The following IQGAP2 variants were observed in gnomAD, a reference collection of about 807,000 sequenced individuals.
IQGAP2 encodes the protein ras GTPase-activating-like protein IQGAP2.
IQGAP2 carries 173 observed loss-of-function variants against 201.3 expected under a neutral mutation model. The observed-to-expected ratio is 0.86, with a 90% CI of 0.76 to 0.98. IQGAP2 has a LOEUF of 0.98. IQGAP2 is among the 50% of genes least tolerant of loss of function. The pLI is 0.00. For synonymous variants in IQGAP2, 675 were observed against 673.9 expected (o/e 1.00, Z -0.03); for missense variants, 1,687 against 1,864.8 (o/e 0.90, Z 1.76).
chr5:76,469,034 A>G (rs1754961698), intron 2 of IQGAP2, among the ~76,000 whole-genome samples: 1 of 152,126 alleles, frequency 6.6e-6, no homozygotes, highest in South Asian at 2.1e-4. Flanking sequence ...TTTTCTGTAC[A>G]TTTTGGATGT....
chr5:76,505,700 T>C (rs769345682), intron 2 of IQGAP2, among the ~76,000 whole-genome samples: 4 of 152,300 alleles, frequency 2.6e-5, no homozygotes, highest in Non-Finnish European at 5.9e-5. Context: ...TGCAGGTGTA[T>C]TCCTGATCTC....
In IQGAP2 at chr5:76,589,703, T is replaced by A. The variant is rs754961957; in HGVS notation, c.615T>A (p.Asn205Lys). 6.2e-7 allele frequency: 1 copy of A among 1,605,486 alleles called. No individual in the cohort carries two copies. Among genetic ancestry groups the A allele is most frequent in the Non-Finnish European group, 8.5e-7 (1 of 1,175,624 alleles). ...SFSKIGGILANELSVDEAALH... is the reference protein window; with the variant it reads ...SFSKIGGILAKELSVDEAALH... Reference sequence around the variant, plus strand: ...GCAAAATAGGTGGTATTCTGGCCAATGAACTGTCCGTGGATGAAGCTGCAT... The same window carrying A: ...GCAAAATAGGTGGTATTCTGGCCAAAGAACTGTCCGTGGATGAAGCTGCAT... The change falls in exon 7 of 36, where the codon AAT (asparagine) becomes AAA (lysine). Residue 205 changes from asparagine (N) to lysine (K), a missense_variant. Asn to Lys is a moderately conservative substitution (Grantham distance 94). Coordinates refer to ENST00000274364, the MANE Select transcript of IQGAP2 (RefSeq NM_006633.5).
chr5:76,533,149 T>C (rs1759411557), intron 2 of IQGAP2, among the ~76,000 whole-genome samples: 1 of 152,126 alleles, frequency 6.6e-6, no homozygotes, highest in Non-Finnish European at 1.5e-5. Context: ...GTTATCTCCT[T>C]TTTGAAGGGC....
At chr5:76,469,510 T>A (rs1163997698) in intron 2 of IQGAP2, among the ~76,000 whole-genome samples, 1 of 152,076 alleles carries the variant, frequency 6.6e-6, no homozygotes, top group Non-Finnish European at 1.5e-5. Context: ...AAACGATTAT[T>A]TCTCCTGCCT....
Position 76,589,626 on chromosome 5 carries a change from A to C in IQGAP2, c.538A>C (p.Ser180Arg). Residue 180 changes from serine (S) to arginine (R), a missense_variant, in exon 7 of 36, where the codon AGT becomes CGT. Transcript: ENST00000274364. ...TTGTTCTTTGTTAGAGGAGGAAATCAGTAATATGAGAAAAGAACTTGAGAA... is the reference window on the plus strand; with the variant it reads ...TTGTTCTTTGTTAGAGGAGGAAATCCGTAATATGAGAAAAGAACTTGAGAA... The part of the protein sequence containing the change: ...GKVDFTEEEI[S>R]NMRKELEKYG... 6.3e-7 allele frequency: 1 copy of C among 1,581,194 alleles called. No individual in the cohort carries two copies.
intron 33 of IQGAP2, among the ~76,000 whole-genome samples, chr5:76,700,112 A>G (rs1747232168): frequency 6.6e-6 from 1 of 152,138 alleles, no homozygotes; most frequent in Non-Finnish European, 1.5e-5. Flanking sequence ...TGCAAGGAAG[A>G]AGTTGGTCAA....
At chr5:76,581,012 T>C (rs1416821591) in intron 5 of IQGAP2, among the ~76,000 whole-genome samples, 3 of 152,252 alleles carry the variant, frequency 2.0e-5, no homozygotes, top group Non-Finnish European at 2.9e-5. Flanking sequence ...ATAGGATTAC[T>C]CTTCCCGCTG....
chr5:76,537,940 T>C (rs1759720495), intron 2 of IQGAP2, among the ~76,000 whole-genome samples: 1 of 152,192 alleles, frequency 6.6e-6, no homozygotes, highest in Non-Finnish European at 1.5e-5. Context: ...GATAAAGTAA[T>C]GCATATTGCC....
chr5:76,673,680 T>G, intron 25 of IQGAP2, 91 bp downstream of exon 25: 1 of 1,297,338 alleles, frequency 7.7e-7, no homozygotes, highest in Non-Finnish European at 1.1e-6. Context: ...AGACAGCAGT[T>G]TTCCCTTATA....
intron 2 of IQGAP2, among the ~76,000 whole-genome samples, chr5:76,525,438 GA>G (rs1294296588): frequency 5.9e-5 from 9 of 152,112 alleles, no homozygotes; most frequent in African/African-American, 1.2e-4. Flanking sequence ...TGCATTAGTT[GA>G]TTTAGTGGTT....
intron 2 of IQGAP2, among the ~76,000 whole-genome samples, chr5:76,538,120 A>T (rs1034697500): frequency 6.6e-6 from 1 of 152,204 alleles, no homozygotes; most frequent in African/African-American, 2.4e-5. Flanking sequence ...CAGAGGATGA[A>T]GGAAGAGCAA....
intron 9 of IQGAP2, among the ~76,000 whole-genome samples, chr5:76,595,991 G>A (rs1028803351): frequency 1.3e-5 from 2 of 152,046 alleles, no homozygotes; most frequent in Admixed American, 6.6e-5. Context: ...GAAATTTTTT[G>A]GTTTGTCACA....
chr5:76,664,986 T>C, intron 21 of IQGAP2, 40 bp from the exon 22 acceptor site: 1 of 1,099,738 alleles, frequency 9.1e-7, no homozygotes. Flanking sequence ...ATAAAGAGTA[T>C]GAGAATTAAA....
chr5:76,667,877 C>CTTTTTTTTTTTTTTTTTTTTTTTTT (rs540744402), intron 22 of IQGAP2, among the ~76,000 whole-genome samples: 8 of 123,426 alleles, frequency 6.5e-5, no homozygotes, highest in African/African-American at 2.5e-4. Context: ...AGTCCACTTT[C>CTTTTTTTTTTTTTTTTTTTTTTTTT]TTTTTTTTTT....
intron 2 of IQGAP2, among the ~76,000 whole-genome samples, chr5:76,478,558 G>A (rs991551526): frequency 6.6e-6 from 1 of 151,100 alleles, no homozygotes. Flanking sequence ...CAAAGTGTTG[G>A]GATTACAGGC....
intron 13 of IQGAP2, among the ~76,000 whole-genome samples, 169 bp downstream of exon 13, chr5:76,611,352 A>G (rs1009718798): frequency 3.9e-5 from 6 of 152,146 alleles, no homozygotes; most frequent in African/African-American, 1.4e-4. Context: ...GGTAACAAAC[A>G]TTGGGGGGAA....
At chr5:76,579,389 C>T (rs892018910) in intron 5 of IQGAP2, among the ~76,000 whole-genome samples, 12 of 151,756 alleles carry the variant, frequency 7.9e-5, no homozygotes, top group African/African-American at 2.9e-4. Context: ...GGTTCTTCTC[C>T]CATGGCGAGT....
At chr5:76,543,297 G>T (rs1207139506) in intron 2 of IQGAP2, among the ~76,000 whole-genome samples, 1 of 152,146 alleles carries the variant, frequency 6.6e-6, no homozygotes, top group South Asian at 2.1e-4. Context: ...TCAAACCTTC[G>T]CATGACACCC....
chr5:76,617,332 A>C, intron 13 of IQGAP2: 1 of 368,174 alleles, frequency 2.7e-6, no homozygotes, highest in Non-Finnish European at 4.9e-6. Flanking sequence ...AATCCCAGCT[A>C]CTTGGGAGGC....
Sources: allele counts gnomAD v4.1 joint callset (sites outside exome capture counted in the v4.1 genomes callset), GRCh38; gene constraint gnomAD v4.1.1; transcripts MANE v1.5; gene names NCBI Gene and HGNC (gene_info 2026-07-23, HGNC 2026-07-21).